Variants in CPNE4 observed in about 807,000 individuals in gnomAD.
CPNE4 encodes the protein copine-4.
Under a neutral mutation model 67.9 loss-of-function variants are expected in CPNE4, and 25 were observed. That is an observed-to-expected ratio of 0.37 (90% confidence interval 0.27 to 0.51). The LOEUF (loss-of-function observed/expected upper bound fraction) is 0.51. Among genes scored for constraint, CPNE4 ranks in the 20% least tolerant of loss-of-function variants. The pLI is 0.93. For synonymous variants in CPNE4, 242 were observed against 244.9 expected (o/e 0.99, Z 0.11); for missense variants, 464 against 690.8 (o/e 0.67, Z 3.68).
chr3:131,613,623 C>T (rs1939971483), intron 7 of CPNE4, among the ~76,000 whole-genome samples: 1 of 152,148 alleles, frequency 6.6e-6, no homozygotes, highest in Non-Finnish European at 1.5e-5. Flanking sequence ...CTCTGTAAAC[C>T]TAAGTATTGC....
chr3:131,796,765 A>G (rs540839215), intron 2 of CPNE4, among the ~76,000 whole-genome samples: 2 of 152,306 alleles, frequency 1.3e-5, no homozygotes, highest in South Asian at 4.2e-4. Context: ...TTGCAAATGA[A>G]CAGAAACCTC....
chr3:131,985,167 T>C (rs561912616), intron 1 of CPNE4, among the ~76,000 whole-genome samples: 1 of 152,330 alleles, frequency 6.6e-6, no homozygotes, highest in Admixed American at 6.5e-5. Flanking sequence ...GCCCTCTAAG[T>C]TGTCTTTTGT....
At chr3:131,653,342 G>A (rs1173136548) in intron 7 of CPNE4, among the ~76,000 whole-genome samples, 3 of 151,592 alleles carry the variant, frequency 2.0e-5, no homozygotes, top group Admixed American at 2.0e-4. Context: ...TACAGATGGG[G>A]TTTCACCATG....
intron 7 of CPNE4, among the ~76,000 whole-genome samples, chr3:131,641,686 A>G (rs1192173469): frequency 6.6e-6 from 1 of 152,224 alleles, no homozygotes; most frequent in African/African-American, 2.4e-5. Context: ...AGAAGTCATT[A>G]TACAAAAAAG....
chr3:131,758,394 G>A (rs1182182950), intron 2 of CPNE4, among the ~76,000 whole-genome samples: 1 of 152,150 alleles, frequency 6.6e-6, no homozygotes, highest in Non-Finnish European at 1.5e-5. Context: ...GACTTGCATG[G>A]ACCCTGTAAC....
At chr3:131,842,722 TTC>T (rs2085836005) in intron 2 of CPNE4, among the ~76,000 whole-genome samples, 1 of 114,440 alleles carries the variant, frequency 8.7e-6, no homozygotes. Flanking sequence ...GCAAGTTATA[TTC>T]TGTTGTAAAA....
chr3:131,817,489 A>G (rs762565853), intron 2 of CPNE4, among the ~76,000 whole-genome samples: 1 of 152,204 alleles, frequency 6.6e-6, no homozygotes, highest in Non-Finnish European at 1.5e-5. Flanking sequence ...GTTAGCAAGG[A>G]GTCAAAACAT....
intron 2 of CPNE4, among the ~76,000 whole-genome samples, chr3:131,738,842 CTTTT>C (rs1006598418): frequency 1.6e-4 from 19 of 116,508 alleles, no homozygotes; most frequent in African/African-American, 4.9e-4. Context: ...TTCATCATGT[CTTTT>C]TCTTTTTCTT....
intron 1 of CPNE4, among the ~76,000 whole-genome samples, chr3:131,983,065 C>T (rs961469817): frequency 6.6e-6 from 1 of 151,880 alleles, no homozygotes; most frequent in Non-Finnish European, 1.5e-5. Context: ...AAAATTGAAA[C>T]TAGAAAATAC....
intron 2 of CPNE4, among the ~76,000 whole-genome samples, chr3:131,872,635 T>G (rs1366968849): frequency 6.6e-6 from 1 of 152,210 alleles, no homozygotes; most frequent in Non-Finnish European, 1.5e-5. Context: ...CCTAGTCAAG[T>G]TGACACATAA....
At chr3:131,957,940 GGGA>G (rs1243443503) in intron 1 of CPNE4, among the ~76,000 whole-genome samples, 3 of 152,166 alleles carry the variant, frequency 2.0e-5, no homozygotes, top group African/African-American at 7.2e-5. Flanking sequence ...TTTGGTTGGG[GGGA>G]GAAGGATGTA....
At chr3:131,600,601 TC>T (rs1939148142) in intron 7 of CPNE4, among the ~76,000 whole-genome samples, 1 of 151,634 alleles carries the variant, frequency 6.6e-6, no homozygotes, top group East Asian at 1.9e-4. Flanking sequence ...CCACTCATTT[TC>T]CCTGCCTAGC....
intron 10 of CPNE4, among the ~76,000 whole-genome samples, chr3:131,569,700 G>GAGAA (rs1255328312): frequency 6.7e-6 from 1 of 149,952 alleles, no homozygotes; most frequent in African/African-American, 2.4e-5. Flanking sequence ...GAAAGAAAGA[G>GAGAA]AGAAAGAAAG....
chr3:131,752,489 C>T (rs2082653906), intron 2 of CPNE4, among the ~76,000 whole-genome samples: 1 of 152,000 alleles, frequency 6.6e-6, no homozygotes, highest in African/African-American at 2.4e-5. Context: ...GGCAGAAAAA[C>T]AAACAAAAAA....
At chr3:131,698,366 A>T (rs934638816) in intron 4 of CPNE4, among the ~76,000 whole-genome samples, 90 of 152,216 alleles carry the variant, frequency 5.9e-4, no homozygotes, top group African/African-American at 2.0e-3. Context: ...AAAGAACCAT[A>T]GCAAATTCAT....
intron 10 of CPNE4, among the ~76,000 whole-genome samples, chr3:131,566,612 G>C (rs1324658401): frequency 6.6e-6 from 1 of 151,856 alleles, no homozygotes; most frequent in Non-Finnish European, 1.5e-5. Flanking sequence ...ATAATTCCAG[G>C]AAAATTTCTG....
intron 2 of CPNE4, among the ~76,000 whole-genome samples, chr3:131,786,489 T>C (rs1385471357): frequency 6.6e-6 from 1 of 152,190 alleles, no homozygotes; most frequent in Non-Finnish European, 1.5e-5. Context: ...TTTTAGGGGC[T>C]TTACATTACC....
rs375478244 is a variant in CPNE4, at chr3:131,997,954, T to C, written c.-2+36613A>G. Among the ~76,000 whole-genome samples the C allele has an allele frequency of 2.8e-3, 430 of 152,264 alleles. 3 individuals are homozygous for C. Among genetic ancestry groups the C allele is most frequent in the African/African-American group, 9.9e-3 (413 of 41,560 alleles). Reference sequence around the variant, plus strand: ...CTTCCATGATAATGACATTGATCCATTGAAGAGGGCAGAGCCCTTATGACT... The same window carrying C: ...CTTCCATGATAATGACATTGATCCACTGAAGAGGGCAGAGCCCTTATGACT... On this transcript the variant is annotated intron_variant, in intron 1 of 15. Coordinates refer to ENST00000429747, the MANE Select transcript of CPNE4 (RefSeq NM_130808.3).
intron 1 of CPNE4, among the ~76,000 whole-genome samples, chr3:131,915,824 T>C (rs1409524362): frequency 6.6e-6 from 1 of 152,196 alleles, no homozygotes; most frequent in Admixed American, 6.5e-5. Flanking sequence ...TTGATGTTCT[T>C]AGGAATTCTG....
Sources: allele counts gnomAD v4.1 joint callset (sites outside exome capture counted in the v4.1 genomes callset), GRCh38; gene constraint gnomAD v4.1.1; transcripts MANE v1.5; gene names NCBI Gene and HGNC (gene_info 2026-07-23, HGNC 2026-07-21).